DTX1: variants seen among roughly 807,000 people sequenced by gnomAD.
The protein encoded by DTX1 is E3 ubiquitin-protein ligase DTX1.
In DTX1, 26 loss-of-function variants were observed where a neutral mutation model predicts 57.8. That is an observed-to-expected ratio of 0.45 (90% CI 0.33 to 0.62). DTX1 has a LOEUF of 0.62. Among genes scored for constraint, DTX1 ranks in the 20% least tolerant of loss-of-function variants. The pLI is 0.02. For synonymous variants in DTX1, 398 were observed against 394.1 expected, an observed-to-expected ratio of 1.01 and a Z score of -0.12; for missense variants, 704 against 895.3, an observed-to-expected ratio of 0.79 and a Z score of 2.73.
chr12:113,087,883 G>A (rs1166831256), intron 3 of DTX1, among the ~76,000 whole-genome samples: 1 of 152,170 alleles, frequency 6.6e-6, no homozygotes, highest in African/African-American at 2.4e-5. Flanking sequence ...TAAAGGGAGG[G>A]TCAGTTGTCA....
At chr12:113,087,812 G>C (rs1430591567) in intron 3 of DTX1, among the ~76,000 whole-genome samples, 2 of 152,062 alleles carry the variant, frequency 1.3e-5, no homozygotes, top group Non-Finnish European at 2.9e-5. Flanking sequence ...AGGCCTGCTG[G>C]GGGTGGGAGG....
In DTX1 at chr12:113,083,593, T is replaced by C. The variant is rs534799336; in HGVS notation, c.941+5488T>C. Among the ~76,000 whole-genome samples the C allele has an allele frequency of 6.6e-5, 10 of 152,366 alleles. No individual in the cohort carries two copies. The East Asian group carries it at 1.9e-3, about 29-fold the overall frequency. Reference sequence around the variant, plus strand: ...CACCCACCTCGGCCTCCCGAAATTCTGGGATTACAGGCATGAGCCACTGCG... The same window carrying C: ...CACCCACCTCGGCCTCCCGAAATTCCGGGATTACAGGCATGAGCCACTGCG... On this transcript the variant is annotated intron_variant, in intron 3 of 9. Transcript: ENST00000548759.
intron 3 of DTX1, among the ~76,000 whole-genome samples, chr12:113,090,718 A>T (rs951966812): frequency 2.6e-5 from 4 of 152,136 alleles, no homozygotes; most frequent in Non-Finnish European, 5.9e-5. Context: ...GGGGTCTGGG[A>T]TGGGAGTCCT....
At chr12:113,072,924 C>T (rs1230990170) in intron 2 of DTX1, among the ~76,000 whole-genome samples, 1 of 151,878 alleles carries the variant, frequency 6.6e-6, no homozygotes, top group Non-Finnish European at 1.5e-5. Flanking sequence ...CCAGGCTGGT[C>T]CCGAATTCCT....
chr12:113,080,040 C>G (rs1364828338), intron 3 of DTX1, among the ~76,000 whole-genome samples: 1 of 152,070 alleles, frequency 6.6e-6, no homozygotes, highest in Non-Finnish European at 1.5e-5. Flanking sequence ...CTTTTGCTCT[C>G]CAGGAGGAGG....
intron 3 of DTX1, among the ~76,000 whole-genome samples, chr12:113,084,322 A>G (rs1249842793): frequency 6.6e-6 from 1 of 152,226 alleles, no homozygotes; most frequent in Non-Finnish European, 1.5e-5. Flanking sequence ...GTGGGAGGAC[A>G]GTGATAGCTG....
chr12:113,089,783 C>A (rs1373591040), intron 3 of DTX1: 2 of 152,250 alleles, frequency 1.3e-5, no homozygotes, highest in Non-Finnish European at 2.9e-5. Flanking sequence ...AGGAGCAAGA[C>A]TGACTTTTGT....
chr12:113,096,732 C>T lies in DTX1; in HGVS notation c.1656C>T (p.Ile552=). The change falls in exon 10 of 10, where the codon ATC becomes ATT. Residue 552 remains isoleucine (I), a synonymous_variant. Coordinates refer to ENST00000548759, the MANE Select transcript of DTX1 (RefSeq NM_004416.3). ...CCCCCCAGGTGCTGCGGCTGCTCAT[C>T]ACGGCCTGGGAGAGAAGACTCATCT... The part of the protein sequence containing the change: ...EKGRKVLRLL[I]TAWERRLIFT... 1 of 1,612,830 alleles carries T rather than the reference C, an allele frequency of 6.2e-7. No homozygotes were observed. Among genetic ancestry groups the T allele is most frequent in the Admixed American group, 1.7e-5 (1 of 59,962 alleles).
chr12:113,096,458 A>G (rs1295551115), intron 9 of DTX1, among the ~76,000 whole-genome samples: 26 of 147,444 alleles, frequency 1.8e-4, no homozygotes, highest in East Asian at 3.9e-4. Flanking sequence ...AAAAAAAAAA[A>G]AAAAGAAAAA....
In DTX1 at chr12:113,077,378, G is replaced by GACCA. The variant is rs1566016736; in HGVS notation, c.260-43_260-40dup. The GACCA allele has an allele frequency of 3.2e-6, 5 of 1,541,782 alleles. No individual in the cohort carries two copies. In the South Asian group the frequency reaches 6.2e-5, roughly 19 times the overall value. ...TGTGGCCCGCCCTTCCAGCCGCGCA[G>GACCA]ACCAACGCCCGCTGTGCTGACGCCT... On this transcript the variant is annotated intron_variant, in intron 2 of 9. Coordinates refer to ENST00000548759, the MANE Select transcript of DTX1 (RefSeq NM_004416.3). This position sits in a 1 kb window ranked among gnomAD's most constrained non-coding sequence, Gnocchi z 7.8.
Position 113,093,365 on chromosome 12 carries a change from G to A in DTX1, c.1003+142G>A. ...CCCCTTCCACTGGGCCCAGGACACA[G>A]GGCGGGCGTGGCCCGCAGAAAGGCC... is the stretch of plus-strand genomic sequence containing the variant. On this transcript the variant is annotated intron_variant, in intron 4 of 9. Transcript: ENST00000548759. The surrounding 1 kb of genome is among the most constrained non-coding windows in gnomAD (Gnocchi z 4.2). 7.5e-7 allele frequency: 1 copy of A among 1,327,312 alleles called. No individual in the cohort carries two copies. The highest frequency in any genetic ancestry group is 1.5e-5 in the South Asian group (1 of 66,182). 82.2% of individuals were successfully genotyped at this position (1,327,312 alleles called of 1,614,324 possible). A position where few individuals can be genotyped will look rare whatever the true frequency, so the allele number is the denominator to read the frequency against.
intron 9 of DTX1, 144 bp from the exon 10 acceptor site, chr12:113,096,571 C>A (rs543654393): frequency 3.1e-6 from 2 of 639,900 alleles, no homozygotes; most frequent in Non-Finnish European, 5.1e-6. Context: ...AAGGAAATGG[C>A]CAAGCCAGCA....
At chr12:113,060,997 T>C (rs2044660075) in intron 2 of DTX1, among the ~76,000 whole-genome samples, 2 of 152,210 alleles carry the variant, frequency 1.3e-5, no homozygotes, top group South Asian at 4.1e-4. Flanking sequence ...CTCTTATCTT[T>C]GGGGGGACCC....
chr12:113,078,864 T>G (rs1403844696), intron 3 of DTX1, among the ~76,000 whole-genome samples: 1 of 152,042 alleles, frequency 6.6e-6, no homozygotes, highest in African/African-American at 2.4e-5. Context: ...GTTTGCACAC[T>G]GGGCTCCAGG....
chr12:113,089,385 G>A (rs1334389541), intron 3 of DTX1, among the ~76,000 whole-genome samples: 1 of 152,184 alleles, frequency 6.6e-6, no homozygotes, highest in Non-Finnish European at 1.5e-5. Context: ...AGGCTTGCAT[G>A]GCAGTGGGGC....
chr12:113,081,220 G>C (rs973211944), intron 3 of DTX1, among the ~76,000 whole-genome samples: 1 of 152,132 alleles, frequency 6.6e-6, no homozygotes, highest in Non-Finnish European at 1.5e-5. Context: ...GTACACACCT[G>C]TAATCCCAGC....
Position 113,093,432 on chromosome 12 carries a change from G to A in DTX1, c.1004-107G>A, listed in dbSNP as rs1950261274. On this transcript the variant is annotated intron_variant, in intron 4 of 9. Coordinates refer to ENST00000548759, the MANE Select transcript of DTX1 (RefSeq NM_004416.3). This position sits in a 1 kb window ranked among gnomAD's most constrained non-coding sequence, Gnocchi z 4.2. ...GGGGCTGAGTGGGTGGGGCCCAAGAGCGCAACCCTCCCACCCACCCGAGGG... is the reference window on the plus strand; with the variant it reads ...GGGGCTGAGTGGGTGGGGCCCAAGAACGCAACCCTCCCACCCACCCGAGGG... The A allele has an allele frequency of 1.6e-6, 2 of 1,258,420 alleles. No individual in the cohort carries two copies. Among genetic ancestry groups the A allele is most frequent in the Non-Finnish European group, 2.1e-6 (2 of 932,068 alleles). 78.0% of individuals were successfully genotyped at this position (1,258,420 alleles called of 1,614,324 possible).
At chr12:113,068,766 T>G (rs535934059) in intron 2 of DTX1, among the ~76,000 whole-genome samples, 6 of 152,308 alleles carry the variant, frequency 3.9e-5, no homozygotes, top group Non-Finnish European at 7.4e-5. Context: ...CATGTGAGAA[T>G]GCACTGAACA....
intron 2 of DTX1, among the ~76,000 whole-genome samples, chr12:113,076,458 GAAAAAAAAA>G (rs56382675): frequency 5.5e-5 from 7 of 126,522 alleles, no homozygotes; most frequent in Non-Finnish European, 1.2e-4. Context: ...ACTCTGCCTG[GAAAAAAAAA>G]AAAAAAAAAA....
Sources: gnomAD v4.1 joint callset for allele counts (sites outside exome capture counted in the v4.1 genomes callset) on GRCh38, gnomAD v4.1.1 for gene constraint, Gnocchi (gnomAD v3.1) non-coding constraint, MANE v1.5 for transcripts, NCBI Gene and HGNC (gene_info 2026-07-23, HGNC 2026-07-21) for gene names.